NRG1: variants seen among roughly 807,000 people sequenced by gnomAD.
NRG1 encodes pro-neuregulin-1, membrane-bound isoform.
In NRG1, 18 loss-of-function variants were observed where a neutral mutation model predicts 63.8. The ratio of observed to expected loss-of-function variants is 0.28; its 90% CI spans 0.19 to 0.42. The LOEUF (loss-of-function observed/expected upper bound fraction) is 0.42. Ranked by LOEUF, NRG1 falls within the 10% of genes least tolerant of loss-of-function variation. The probability of loss-of-function intolerance (pLI) is 1.00; values close to 1 mark genes in which losing one functional copy is unlikely to be tolerated. For synonymous variants in NRG1, 302 were observed against 301.3 expected, an observed-to-expected ratio of 1.00 and a Z score of -0.02; for missense variants, 762 against 814.7, an observed-to-expected ratio of 0.94 and a Z score of 0.79.
intron 1 of NRG1, among the ~76,000 whole-genome samples, chr8:31,742,311 G>A (rs1815358287): frequency 6.6e-6 from 1 of 151,794 alleles, no homozygotes; most frequent in South Asian, 2.1e-4. Context: ...CCATTTCTCA[G>A]TCTGATAGTA....
At chr8:32,616,647 C>T (rs1385768398) in intron 4 of NRG1, among the ~76,000 whole-genome samples, 188 bp from the exon 5 acceptor site, 1 of 152,060 alleles carries the variant, frequency 6.6e-6, no homozygotes, top group Non-Finnish European at 1.5e-5. Context: ...GTCTTTGGGT[C>T]TAGACTATGG....
intron 1 of NRG1, among the ~76,000 whole-genome samples, chr8:32,558,376 TGAA>T (rs1395905467): frequency 6.6e-6 from 1 of 152,220 alleles, no homozygotes; most frequent in Non-Finnish European, 1.5e-5. Flanking sequence ...CTGTGTCAGG[TGAA>T]GACATGTTTC....
chr8:32,574,847 C>T (rs1022669683), intron 1 of NRG1, among the ~76,000 whole-genome samples: 1 of 152,160 alleles, frequency 6.6e-6, no homozygotes, highest in Admixed American at 6.5e-5. Context: ...ATCTTTGTTT[C>T]ATAGAGTTTA....
At chr8:32,713,750 A>T (rs1183697157) in intron 5 of NRG1, among the ~76,000 whole-genome samples, 1 of 144,418 alleles carries the variant, frequency 6.9e-6, no homozygotes, top group East Asian at 1.9e-4. Flanking sequence ...ATTTGTTATA[A>T]ATATATTATA....
intron 1 of NRG1, among the ~76,000 whole-genome samples, chr8:31,953,481 G>T (rs1468727759): frequency 6.6e-6 from 1 of 152,166 alleles, no homozygotes; most frequent in African/African-American, 2.4e-5. Flanking sequence ...AAAGTGAAGA[G>T]AAATTTCTCT....
At chr8:32,716,477 A>T (rs574538283) in intron 5 of NRG1, among the ~76,000 whole-genome samples, 14 of 152,310 alleles carry the variant, frequency 9.2e-5, no homozygotes, top group African/African-American at 3.4e-4. Context: ...TTTTAAAAGA[A>T]GCAGGGGAAG....
intron 1 of NRG1, among the ~76,000 whole-genome samples, chr8:31,713,147 C>T (rs770364142): frequency 6.5e-5 from 8 of 123,780 alleles, no homozygotes; most frequent in South Asian, 2.7e-4. Context: ...GACGGAGTCT[C>T]GCTTTGTCGC....
chr8:32,256,704 G>A (rs1849761106), intron 1 of NRG1: 1 of 152,602 alleles, frequency 6.6e-6, no homozygotes, highest in African/African-American at 2.4e-5. Flanking sequence ...GAGCTCTCTT[G>A]TGTGAGGTGT....
At chr8:32,475,160 C>T (rs1333479746) in intron 1 of NRG1, among the ~76,000 whole-genome samples, 2 of 152,046 alleles carry the variant, frequency 1.3e-5, no homozygotes, top group African/African-American at 4.8e-5. Context: ...CACTGCTTGT[C>T]TCCTACCTTA....
chr8:31,962,125 A>G (rs1198809701), intron 1 of NRG1, among the ~76,000 whole-genome samples: 1 of 152,176 alleles, frequency 6.6e-6, no homozygotes, highest in Non-Finnish European at 1.5e-5. Context: ...AAGTGGTTAT[A>G]ATTTTAAAAT....
At chr8:32,239,486 A>G (rs951343405) in intron 1 of NRG1, among the ~76,000 whole-genome samples, 2 of 152,106 alleles carry the variant, frequency 1.3e-5, no homozygotes, top group Non-Finnish European at 2.9e-5. Flanking sequence ...ACTTGATACT[A>G]AAAGTATGAT....
chr8:32,173,138 C>A (rs1471772435), intron 1 of NRG1, among the ~76,000 whole-genome samples: 1 of 151,916 alleles, frequency 6.6e-6, no homozygotes, highest in Non-Finnish European at 1.5e-5. Context: ...AACAGCTGAT[C>A]CTCTCAGCAG....
At chr8:32,258,803 T>C (rs1008994293) in intron 1 of NRG1, among the ~76,000 whole-genome samples, 1 of 152,090 alleles carries the variant, frequency 6.6e-6, no homozygotes, top group African/African-American at 2.4e-5. Flanking sequence ...CGAGATGAGA[T>C]TTGGATGTGG....
chr8:31,982,691 C>T (rs1466490027), intron 1 of NRG1, among the ~76,000 whole-genome samples: 1 of 152,034 alleles, frequency 6.6e-6, no homozygotes, highest in Non-Finnish European at 1.5e-5. Context: ...CAGGGAATCA[C>T]AGTCAGATGT....
chr8:32,404,332 A>G (rs1056830473), intron 1 of NRG1, among the ~76,000 whole-genome samples: 2 of 152,222 alleles, frequency 1.3e-5, no homozygotes, highest in South Asian at 4.1e-4. Context: ...ACACTCATGT[A>G]TTTTATATAC....
intron 1 of NRG1, chr8:31,641,709 A>G (rs1803803913): frequency 1.3e-5 from 2 of 152,208 alleles, no homozygotes; most frequent in South Asian, 4.1e-4. Flanking sequence ...CTCAAACAGT[A>G]AATTAACACG....
intron 1 of NRG1, among the ~76,000 whole-genome samples, chr8:31,756,607 T>C (rs955970747): frequency 6.6e-6 from 1 of 152,166 alleles, no homozygotes; most frequent in Non-Finnish European, 1.5e-5. Context: ...TAGTGTCTGT[T>C]ATCCTTACGA....
intron 5 of NRG1, among the ~76,000 whole-genome samples, chr8:32,633,827 C>T (rs144275152): frequency 1.0e-3 from 154 of 152,018 alleles, no homozygotes; most frequent in African/African-American, 3.4e-3. Flanking sequence ...ACTGAAGGAA[C>T]GAATGAAGTT....
intron 1 of NRG1, among the ~76,000 whole-genome samples, chr8:32,091,264 C>T (rs111774478): frequency 2.8e-5 from 4 of 140,600 alleles, no homozygotes; most frequent in Non-Finnish European, 3.0e-5. Context: ...GGCGACAGAG[C>T]GAGACTTGGT....
Sources: gnomAD v4.1 joint callset for allele counts (sites outside exome capture counted in the v4.1 genomes callset) on GRCh38, gnomAD v4.1.1 for gene constraint, MANE v1.5 for transcripts, NCBI Gene and HGNC (gene_info 2026-07-23, HGNC 2026-07-21) for gene names.